The following TAS2R1 variants were observed in gnomAD, a reference collection of about 807,000 sequenced individuals.
TAS2R1 encodes taste 2 receptor member 1.
For missense variants in TAS2R1, 370 were observed against 353.4 expected, an observed-to-expected ratio of 1.05 and a Z score of -0.38; for synonymous variants, 141 against 134.2, an observed-to-expected ratio of 1.05 and a Z score of -0.35.
At chr5:9,751,558 T>C in the TAS2R1 span, among the ~76,000 whole-genome samples, 1 of 152,146 alleles carries the variant, frequency 6.6e-6, no homozygotes, top group Non-Finnish European at 1.5e-5. Context: ...AAATGATTCC[T>C]TCTGTTTTCT....
rs1377080871 is a variant in TAS2R1, at chr5:9,629,172, A to G, written c.861T>C (p.Asn287=). ...TACTGTGGAGGAGGAACTTTTTTGC[A>G]TTTTGTTTCAATTTAGGATTTCCTA... ...LILGNPKLKQ[N]AKKFLLHSKC... The change falls in exon 1 of 1, where the codon AAT becomes AAC. Residue 287 remains asparagine (N), a synonymous_variant. Coordinates refer to ENST00000382492, the MANE Select transcript of TAS2R1 (RefSeq NM_019599.3). The G allele has an allele frequency of 1.3e-6, 2 of 1,582,830 alleles. No individual in the cohort carries two copies. The highest frequency in any genetic ancestry group is 1.7e-6 in the Non-Finnish European group (2 of 1,167,484).
the TAS2R1 span, among the ~76,000 whole-genome samples, chr5:9,725,564 G>A: frequency 6.6e-6 from 1 of 152,184 alleles, no homozygotes; most frequent in African/African-American, 2.4e-5. Flanking sequence ...ACGGGGCAGG[G>A]CTCGGGACCT....
chr5:9,724,636 CTG>C, the TAS2R1 span, among the ~76,000 whole-genome samples: 4 of 152,108 alleles, frequency 2.6e-5, no homozygotes, highest in Admixed American at 6.5e-5. Flanking sequence ...ACGGTAATAA[CTG>C]ACAAATCTCT....
At chr5:9,871,103 T>C in the TAS2R1 span, among the ~76,000 whole-genome samples, 10 of 152,064 alleles carry the variant, frequency 6.6e-5, no homozygotes, top group Admixed American at 6.5e-4. Flanking sequence ...GCCCTTCCTG[T>C]CAATAACAGC....
At chr5:9,876,909 G>C in the TAS2R1 span, among the ~76,000 whole-genome samples, 1 of 152,178 alleles carries the variant, frequency 6.6e-6, no homozygotes, top group African/African-American at 2.4e-5. Context: ...CGATTCCAAA[G>C]TGTTTATTCA....
the TAS2R1 span, among the ~76,000 whole-genome samples, chr5:9,803,673 T>C: frequency 2.6e-5 from 4 of 152,168 alleles, no homozygotes; most frequent in African/African-American, 9.7e-5. Flanking sequence ...GATACAGTCT[T>C]TTCCAGACAA....
the TAS2R1 span, among the ~76,000 whole-genome samples, chr5:9,778,088 G>A: frequency 2.0e-4 from 31 of 152,144 alleles, no homozygotes; most frequent in East Asian, 5.3e-3. Context: ...CACCTTGTTA[G>A]CCAGGATGGT....
At chr5:9,859,635 G>A in the TAS2R1 span, among the ~76,000 whole-genome samples, 8 of 152,268 alleles carry the variant, frequency 5.3e-5, no homozygotes, top group Middle Eastern at 3.4e-3. Context: ...TCAGTCACAC[G>A]CATTCAAGCA....
the TAS2R1 span, among the ~76,000 whole-genome samples, chr5:9,887,475 C>T: frequency 6.6e-6 from 1 of 152,176 alleles, no homozygotes; most frequent in Non-Finnish European, 1.5e-5. Flanking sequence ...TCCTGCTTCC[C>T]CTGCTATCTT....
At chr5:9,779,055 T>A in the TAS2R1 span, among the ~76,000 whole-genome samples, 1 of 152,330 alleles carries the variant, frequency 6.6e-6, no homozygotes, top group South Asian at 2.1e-4. Context: ...TGACCTGCAG[T>A]GTTGGAGATG....
chr5:9,802,469 CA>C, the TAS2R1 span, among the ~76,000 whole-genome samples: 1 of 152,126 alleles, frequency 6.6e-6, no homozygotes, highest in Non-Finnish European at 1.5e-5. Flanking sequence ...ATAATGTACC[CA>C]AAGGAGAAGG....
the TAS2R1 span, among the ~76,000 whole-genome samples, chr5:9,769,627 T>C: frequency 4.6e-5 from 7 of 152,214 alleles, no homozygotes; most frequent in Admixed American, 4.6e-4. Context: ...AGATAATATC[T>C]CATTATAGTT....
chr5:9,851,400 C>T, the TAS2R1 span, among the ~76,000 whole-genome samples: 2 of 152,108 alleles, frequency 1.3e-5, no homozygotes, highest in Non-Finnish European at 2.9e-5. Context: ...GAAATAATAC[C>T]ACCTATAACT....
chr5:9,823,255 C>T, the TAS2R1 span, among the ~76,000 whole-genome samples: 3 of 152,118 alleles, frequency 2.0e-5, no homozygotes, highest in South Asian at 2.1e-4. Context: ...CTTATCATAG[C>T]GTTTCTCAAC....
chr5:9,709,186 T>C (rs1197095518), intron 1 of TAS2R1, among the ~76,000 whole-genome samples: 2 of 108,432 alleles, frequency 1.8e-5, no homozygotes, highest in African/African-American at 7.0e-5. Flanking sequence ...GAACTTAAAG[T>C]AGAAAAAAAA....
At chr5:9,856,112 G>A in the TAS2R1 span, among the ~76,000 whole-genome samples, 2 of 152,118 alleles carry the variant, frequency 1.3e-5, no homozygotes, top group South Asian at 4.1e-4. Context: ...TCAGATAGAA[G>A]CAACTAAGAA....
At chr5:9,786,511 G>A in the TAS2R1 span, among the ~76,000 whole-genome samples, 182 of 152,270 alleles carry the variant, frequency 1.2e-3, no homozygotes, top group Admixed American at 6.8e-3. Context: ...GAAATAGCAC[G>A]TACAATAACA....
the TAS2R1 span, among the ~76,000 whole-genome samples, chr5:9,856,460 A>G: frequency 6.6e-6 from 1 of 152,206 alleles, no homozygotes; most frequent in Non-Finnish European, 1.5e-5. Context: ...TTTGCAGGAG[A>G]ATACAGAGGA....
At chr5:9,783,122 T>A in the TAS2R1 span, among the ~76,000 whole-genome samples, 1 of 152,320 alleles carries the variant, frequency 6.6e-6, no homozygotes, top group Middle Eastern at 3.4e-3. Flanking sequence ...CTTACTCTAT[T>A]GGCTTTTGAA....
Sources: gnomAD v4.1 joint callset for allele counts (sites outside exome capture counted in the v4.1 genomes callset) on GRCh38, gnomAD v4.1.1 for gene constraint, MANE v1.5 for transcripts, NCBI Gene and HGNC (gene_info 2026-07-23, HGNC 2026-07-21) for gene names.